Variants in RYR3 observed in about 807,000 individuals in gnomAD.
RYR3 encodes the protein brain ryanodine receptor-calcium release channel.
A neutral mutation model predicts 584.3 loss-of-function variants in RYR3; 207 were observed. The observed-to-expected ratio is 0.35, with a 90% CI of 0.32 to 0.40. RYR3 has a LOEUF of 0.40. Among genes scored for constraint, RYR3 ranks in the 10% least tolerant of loss-of-function variants. RYR3 has a pLI of 1.00. For missense variants in RYR3, 5,616 were observed against 6,089.2 expected (o/e 0.92, Z 2.59); for synonymous variants, 2,416 against 2,248.5 (o/e 1.07, Z -2.11).
chr15:33,755,290 G>A, intron 58 of RYR3, 110 bp downstream of exon 58: 1 of 715,392 alleles, frequency 1.4e-6, no homozygotes. Context: ...ATTTTAGGGG[G>A]AAAACAGTGG....
intron 49 of RYR3, among the ~76,000 whole-genome samples, chr15:33,737,996 G>GA (rs1249768049): frequency 6.6e-6 from 1 of 152,098 alleles, no homozygotes; most frequent in African/African-American, 2.4e-5. Flanking sequence ...ATTGACGAGA[G>GA]AAAATCTTCA....
At chr15:33,774,475 C>T (rs1247544804) in intron 64 of RYR3, among the ~76,000 whole-genome samples, 3 of 152,140 alleles carry the variant, frequency 2.0e-5, no homozygotes, top group Non-Finnish European at 2.9e-5. Context: ...AGTGAACCCT[C>T]GTCTCATGTC....
intron 37 of RYR3, 137 bp from the exon 38 acceptor site, chr15:33,670,282 A>G (rs1034509853): frequency 3.4e-5 from 29 of 855,390 alleles, no homozygotes; most frequent in Non-Finnish European, 4.9e-5. Context: ...TATTCACGAG[A>G]ATAGTATCTT....
intron 40 of RYR3, among the ~76,000 whole-genome samples, chr15:33,699,186 G>C (rs571688783): frequency 6.6e-6 from 1 of 151,774 alleles, no homozygotes; most frequent in African/African-American, 2.4e-5. Context: ...TTGATATACT[G>C]GTGGGCCTTA....
In RYR3 at chr15:33,311,952, G is replaced by A. The variant is rs1421601764; in HGVS notation, c.51+856G>A. Among the ~76,000 whole-genome samples the A allele has an allele frequency of 2.0e-5, 3 of 152,334 alleles. No individual in the cohort carries two copies. In the East Asian group the frequency reaches 5.8e-4, roughly 29 times the overall value. On this transcript the variant is annotated intron_variant, in intron 1 of 103. Transcript: ENST00000634891. The surrounding 1 kb of genome is among the most constrained non-coding windows in gnomAD (Gnocchi z 4.4). ...GTGGACGGCCACCCGGAGGGGTGGG[G>A]GCATTGGGGATGCATCCTAGCGCTG...
chr15:33,384,601 G>GCACACACACA (rs10659855), intron 1 of RYR3, among the ~76,000 whole-genome samples: 122 of 145,328 alleles, frequency 8.4e-4, no homozygotes, highest in African/African-American at 2.5e-3. Flanking sequence ...ATCTATATAT[G>GCACACACACA]CACACACACA....
rs896502207 is a variant in RYR3, at chr15:33,361,025, G to A, written c.51+49929G>A. 3.3e-5 allele frequency among the ~76,000 whole-genome samples: 5 copies of A among 152,332 alleles called. 1 individual carries two copies. In the Middle Eastern group the frequency reaches 0.014, roughly 415 times the overall value. On this transcript the variant is annotated intron_variant, in intron 1 of 103. Coordinates refer to ENST00000634891, the MANE Select transcript of RYR3 (RefSeq NM_001036.6). ...TGGCTGTATTGAGGGAAAAGCAGAT[G>A]TTGCAGCTCCTATTCTGATTGGAGC...
At chr15:33,772,530 G>T (rs76280649) in intron 63 of RYR3, among the ~76,000 whole-genome samples, 2 of 152,144 alleles carry the variant, frequency 1.3e-5, no homozygotes, top group East Asian at 1.9e-4. Flanking sequence ...TTATTAAGAA[G>T]ACTTAATTTA....
intron 12 of RYR3, among the ~76,000 whole-genome samples, chr15:33,579,089 A>T (rs999831188): frequency 3.3e-5 from 5 of 152,158 alleles, no homozygotes; most frequent in African/African-American, 1.2e-4. Context: ...GGAGAGAGAG[A>T]TGGAAGGGCA....
intron 5 of RYR3, among the ~76,000 whole-genome samples, chr15:33,538,443 G>T (rs2055520075): frequency 6.6e-6 from 1 of 151,990 alleles, no homozygotes; most frequent in Admixed American, 6.6e-5. Context: ...TACTAATCAG[G>T]GTATAAAGTT....
chr15:33,334,711 A>G (rs908952767), intron 1 of RYR3, among the ~76,000 whole-genome samples: 17 of 152,214 alleles, frequency 1.1e-4, no homozygotes, highest in African/African-American at 3.9e-4. Context: ...TCTGCACAGC[A>G]AAAGAAAACT....
At chr15:33,463,465 G>A (rs983833083) in intron 1 of RYR3, among the ~76,000 whole-genome samples, 11 of 151,932 alleles carry the variant, frequency 7.2e-5, no homozygotes, top group African/African-American at 2.7e-4. Flanking sequence ...CTTCTGTGGG[G>A]CCTGAAATTC....
intron 32 of RYR3, among the ~76,000 whole-genome samples, chr15:33,657,234 A>T (rs2062869013): frequency 1.3e-5 from 2 of 152,230 alleles, no homozygotes; most frequent in Admixed American, 1.3e-4. Flanking sequence ...TACTTTCTGC[A>T]GGGAGGGTTG....
At chr15:33,634,427 G>C (rs1269382732) in intron 24 of RYR3, among the ~76,000 whole-genome samples, 159 bp from the exon 25 acceptor site, 1 of 152,140 alleles carries the variant, frequency 6.6e-6, no homozygotes, top group East Asian at 1.9e-4. Flanking sequence ...GAGGAGAAGT[G>C]GCAATATGTA....
At chr15:33,675,520 C>A (rs1342458797) in intron 38 of RYR3, among the ~76,000 whole-genome samples, 1 of 152,154 alleles carries the variant, frequency 6.6e-6, no homozygotes, top group African/African-American at 2.4e-5. Flanking sequence ...GTTATGAGCA[C>A]AGGGCTCCGG....
In RYR3 at chr15:33,454,074, A is replaced by T. The variant is rs74770601; in HGVS notation, c.52-19345A>T. On this transcript the variant is annotated intron_variant, in intron 1 of 103. Coordinates refer to ENST00000634891, the MANE Select transcript of RYR3 (RefSeq NM_001036.6). ...AGAATTCTGCGTGAGGCTGGAGGCT[A>T]TCCTTCTGGTCTGTTCCTTCAGTGA... Among the ~76,000 whole-genome samples the T allele has an allele frequency of 8.3e-3, 1,271 of 152,332 alleles. 84 individuals carry two copies. The East Asian group carries it at 0.15, about 17-fold the overall frequency.
intron 91 of RYR3, 103 bp from the exon 92 acceptor site, chr15:33,843,385 G>C: frequency 1.3e-6 from 1 of 742,304 alleles, no homozygotes; most frequent in South Asian, 1.6e-5. Context: ...AGTAGGACGA[G>C]TCAAGTGTGA....
intron 80 of RYR3, among the ~76,000 whole-genome samples, chr15:33,822,017 C>CCATTCATTCATTCATT (rs58113782): frequency 0.22 from 33,163 of 151,412 alleles, 3,880 homozygotes; most frequent in Middle Eastern, 0.35. Context: ...GTTCGTTCAT[C>CCATTCATTCATTCATT]CATTCATTCA....
intron 65 of RYR3, among the ~76,000 whole-genome samples, chr15:33,782,362 A>G (rs1348292883): frequency 6.6e-6 from 1 of 152,238 alleles, no homozygotes; most frequent in Non-Finnish European, 1.5e-5. Flanking sequence ...ATTCATAAAT[A>G]AAAAATGACT....
Sources: gnomAD v4.1 joint callset for allele counts (sites outside exome capture counted in the v4.1 genomes callset) on GRCh38, gnomAD v4.1.1 for gene constraint, Gnocchi (gnomAD v3.1) non-coding constraint, MANE v1.5 for transcripts, NCBI Gene and HGNC (gene_info 2026-07-23, HGNC 2026-07-21) for gene names.